The following SPAG16 variants were observed in gnomAD, a reference collection of about 807,000 sequenced individuals.
The protein encoded by SPAG16 is sperm associated antigen 16, also known as sperm-associated antigen 16 protein.
SPAG16 carries 86 observed loss-of-function variants against 80.4 expected under a neutral mutation model. The observed-to-expected ratio is 1.07, with a 90% CI of 0.90 to 1.28. The LOEUF is 1.28. Ranked by LOEUF, SPAG16 falls within the 50% of genes most tolerant of loss-of-function variation. SPAG16 has a pLI of 0.00. For missense variants in SPAG16, 870 were observed against 765.3 expected, an observed-to-expected ratio of 1.14 and a Z score of -1.61; for synonymous variants, 294 against 265.9, an observed-to-expected ratio of 1.11 and a Z score of -1.03.
chr2:213,460,470 T>C (rs2072297509), intron 9 of SPAG16, among the ~76,000 whole-genome samples: 1 of 152,202 alleles, frequency 6.6e-6, no homozygotes, highest in Admixed American at 6.5e-5. Context: ...TGTGCTTTAC[T>C]TCTTTTCATG....
intron 7 of SPAG16, 110 bp downstream of exon 7, chr2:213,350,755 C>A: frequency 1.6e-6 from 1 of 640,646 alleles, no homozygotes; most frequent in Non-Finnish European, 2.6e-6. Context: ...CATTTTCAAC[C>A]AACTTTCATG....
At chr2:213,637,880 C>A (rs1223583883) in intron 10 of SPAG16, among the ~76,000 whole-genome samples, 1 of 152,150 alleles carries the variant, frequency 6.6e-6, no homozygotes, top group Non-Finnish European at 1.5e-5. Context: ...GCTCAGCCTC[C>A]TGAGTAGCTG....
chr2:214,272,001 G>C (rs1692063469), intron 15 of SPAG16, among the ~76,000 whole-genome samples: 1 of 151,958 alleles, frequency 6.6e-6, no homozygotes, highest in African/African-American at 2.4e-5. Flanking sequence ...AGGAAAATCA[G>C]AATAATTCTT....
In SPAG16 at chr2:214,189,726, G is replaced by A. The variant is rs375802627; in HGVS notation, c.1720+40460G>A. ...ACTATTGAAAATACTCTAGGGAAGAGAAAAGTTTTTAAGAGGTGCTTTTAA... is the reference window on the plus strand; with the variant it reads ...ACTATTGAAAATACTCTAGGGAAGAAAAAAGTTTTTAAGAGGTGCTTTTAA... On this transcript the variant is annotated intron_variant, in intron 15 of 15. Transcript: ENST00000331683. 4.6e-5 allele frequency among the ~76,000 whole-genome samples: 7 copies of A among 152,046 alleles called. No homozygotes were observed. In the South Asian group the frequency reaches 1.5e-3, roughly 32 times the overall value.
At chr2:213,825,176 A>G (rs1005160120) in intron 10 of SPAG16, among the ~76,000 whole-genome samples, 1 of 152,134 alleles carries the variant, frequency 6.6e-6, no homozygotes, top group African/African-American at 2.4e-5. Flanking sequence ...GCAAACAAGT[A>G]TAATTTGAAT....
At chr2:214,287,011 T>C (rs1406475602) in intron 15 of SPAG16, among the ~76,000 whole-genome samples, 1 of 152,256 alleles carries the variant, frequency 6.6e-6, no homozygotes, top group Non-Finnish European at 1.5e-5. Context: ...ATTTGGAGAT[T>C]AATAAAGTTC....
intron 10 of SPAG16, among the ~76,000 whole-genome samples, chr2:213,819,915 C>T (rs143817084): frequency 0.014 from 2,100 of 150,990 alleles, 42 homozygotes; most frequent in African/African-American, 0.048. Context: ...TGCCACCACA[C>T]CCGGCTAATT....
chr2:214,184,059 A>C (rs1576443021), intron 15 of SPAG16, among the ~76,000 whole-genome samples: 1 of 152,180 alleles, frequency 6.6e-6, no homozygotes, highest in Non-Finnish European at 1.5e-5. Flanking sequence ...TTATATACTT[A>C]TCATGGACCA....
At chr2:214,121,971 T>C (rs1190379213) in intron 14 of SPAG16, among the ~76,000 whole-genome samples, 1 of 151,862 alleles carries the variant, frequency 6.6e-6, no homozygotes, top group African/African-American at 2.4e-5. Flanking sequence ...CTAAGAATTT[T>C]GTATAAGGCA....
At chr2:213,869,264 AAT>A (rs1553648742) in intron 11 of SPAG16, among the ~76,000 whole-genome samples, 1,146 of 63,566 alleles carry the variant, frequency 0.018, 33 homozygotes, top group African/African-American at 0.047. Context: ...AAAAAAAAAA[AAT>A]ATATATATAT....
chr2:213,493,427 G>C (rs2074350755), intron 10 of SPAG16, among the ~76,000 whole-genome samples: 1 of 152,090 alleles, frequency 6.6e-6, no homozygotes, highest in Non-Finnish European at 1.5e-5. Context: ...TGGTTTCATA[G>C]GCCAAAGAAC....
chr2:214,023,378 G>A (rs1439972235), intron 13 of SPAG16, among the ~76,000 whole-genome samples: 1 of 150,614 alleles, frequency 6.6e-6, no homozygotes, highest in Non-Finnish European at 1.5e-5. Context: ...GTATTTGAGT[G>A]GCTATCAATT....
intron 15 of SPAG16, among the ~76,000 whole-genome samples, chr2:214,223,097 C>T (rs916699034): frequency 6.6e-6 from 1 of 152,034 alleles, no homozygotes; most frequent in African/African-American, 2.4e-5. Flanking sequence ...TCACAAACAC[C>T]TGCATTTTAA....
At chr2:214,024,686 G>T (rs141274456) in intron 13 of SPAG16, among the ~76,000 whole-genome samples, 15 of 151,684 alleles carry the variant, frequency 9.9e-5, no homozygotes, top group Non-Finnish European at 2.2e-4. Context: ...ATAGAAGGTT[G>T]ATAGAGAGCT....
At chr2:214,183,489 G>A (rs1313403364) in intron 15 of SPAG16, among the ~76,000 whole-genome samples, 1 of 151,912 alleles carries the variant, frequency 6.6e-6, no homozygotes, top group East Asian at 1.9e-4. Context: ...TGGCTACTAT[G>A]GCTCTCAGCT....
At chr2:213,466,061 C>T (rs1271790487) in intron 9 of SPAG16, among the ~76,000 whole-genome samples, 2 of 152,174 alleles carry the variant, frequency 1.3e-5, no homozygotes, top group Non-Finnish European at 2.9e-5. Flanking sequence ...GGCTTAGTCT[C>T]ACAGCCTAAA....
At chr2:214,303,436 A>G (rs1256106513) in intron 15 of SPAG16, among the ~76,000 whole-genome samples, 1 of 152,230 alleles carries the variant, frequency 6.6e-6, no homozygotes, top group African/African-American at 2.4e-5. Flanking sequence ...AAAGAACTCC[A>G]CAAACAGTGC....
chr2:214,362,014 A>C (rs1699219886), intron 15 of SPAG16, among the ~76,000 whole-genome samples: 1 of 151,914 alleles, frequency 6.6e-6, no homozygotes. Flanking sequence ...GAGAAGGATT[A>C]TCAGTCAGGA....
intron 9 of SPAG16, among the ~76,000 whole-genome samples, chr2:213,375,451 T>A (rs1473338673): frequency 6.6e-6 from 1 of 152,062 alleles, no homozygotes; most frequent in East Asian, 1.9e-4. Context: ...TATCTTGTTA[T>A]ATCTTTTCTC....
Sources: allele counts gnomAD v4.1 joint callset (sites outside exome capture counted in the v4.1 genomes callset), GRCh38; gene constraint gnomAD v4.1.1; transcripts MANE v1.5; gene names NCBI Gene and HGNC (gene_info 2026-07-23, HGNC 2026-07-21).